Variants in APBA2 observed in about 807,000 individuals in gnomAD.
APBA2 encodes amyloid-beta A4 precursor protein-binding family A member 2.
In APBA2, 30 loss-of-function variants were observed where a neutral mutation model predicts 75.0. That is an observed-to-expected ratio of 0.40 (90% CI 0.30 to 0.54). The LOEUF (loss-of-function observed/expected upper bound fraction) is 0.54, where lower values mean the gene tolerates loss of function less well. Ranked by LOEUF, APBA2 falls within the 20% of genes least tolerant of loss-of-function variation. The pLI is 0.49. For synonymous variants in APBA2, 444 were observed against 409.6 expected, an observed-to-expected ratio of 1.08 and a Z score of -1.01; for missense variants, 801 against 1,016.1, an observed-to-expected ratio of 0.79 and a Z score of 2.88.
At chr15:28,986,431 C>T (rs758562912) in intron 2 of APBA2, among the ~76,000 whole-genome samples, 4 of 152,162 alleles carry the variant, frequency 2.6e-5, no homozygotes, top group Non-Finnish European at 4.4e-5. Flanking sequence ...TAAGAAGGAG[C>T]GCCACTTCTC....
intron 3 of APBA2, among the ~76,000 whole-genome samples, chr15:29,030,729 ATGTGTGTGTGTG>A (rs60048817): frequency 1.8e-5 from 2 of 113,244 alleles, no homozygotes; most frequent in Admixed American, 1.0e-4. Context: ...CCATGTGAGT[ATGTGTGTGTGTG>A]TGTGTGTGTG....
chr15:29,009,160 G>A (rs181227103), intron 3 of APBA2, among the ~76,000 whole-genome samples: 21 of 152,302 alleles, frequency 1.4e-4, no homozygotes, highest in Admixed American at 1.1e-3. Context: ...GGCAGAGCTT[G>A]GGGTTCAAAG....
chr15:28,904,361 C>A (rs1017900381), intron 1 of APBA2, among the ~76,000 whole-genome samples: 2 of 152,156 alleles, frequency 1.3e-5, no homozygotes, highest in African/African-American at 4.8e-5. Flanking sequence ...GGAGCTGGAT[C>A]CCAGGGTTGG....
intron 12 of APBA2, among the ~76,000 whole-genome samples, chr15:29,107,988 T>C (rs2279485): frequency 0.026 from 3,993 of 152,222 alleles, 127 homozygotes; most frequent in East Asian, 0.12. Context: ...GAACCTGGGC[T>C]CGCTCCTGCA....
intron 2 of APBA2, among the ~76,000 whole-genome samples, chr15:28,987,787 C>T: frequency 7.5e-6 from 1 of 134,128 alleles, no homozygotes; most frequent in Non-Finnish European, 1.6e-5. Flanking sequence ...GGAGTCTCAC[C>T]ACTCTGTCAC....
chr15:28,933,899 G>A (rs2034702193), intron 2 of APBA2, among the ~76,000 whole-genome samples: 1 of 152,172 alleles, frequency 6.6e-6, no homozygotes, highest in South Asian at 2.1e-4. Flanking sequence ...GGAGCAGAGG[G>A]CCTGGGGAAG....
intron 6 of APBA2, among the ~76,000 whole-genome samples, chr15:29,078,355 G>C (rs953308473): frequency 6.6e-6 from 1 of 152,104 alleles, no homozygotes; most frequent in Non-Finnish European, 1.5e-5. Context: ...GCTCATGCCT[G>C]TAATCCCAGC....
chr15:28,988,777 A>C (rs904206251), intron 2 of APBA2, among the ~76,000 whole-genome samples: 1 of 152,210 alleles, frequency 6.6e-6, no homozygotes, highest in Non-Finnish European at 1.5e-5. Flanking sequence ...CTCTCTGTGA[A>C]CGTGAGCTGG....
intron 2 of APBA2, among the ~76,000 whole-genome samples, chr15:28,971,038 T>A (rs1392440089): frequency 1.3e-5 from 2 of 152,196 alleles, no homozygotes; most frequent in Non-Finnish European, 2.9e-5. Context: ...ACCAGGGCAG[T>A]AATCCGCACG....
intron 3 of APBA2, among the ~76,000 whole-genome samples, chr15:29,045,404 T>TA (rs2041273132): frequency 6.6e-6 from 1 of 151,946 alleles, no homozygotes; most frequent in Non-Finnish European, 1.5e-5. Flanking sequence ...GTCTCTTTCA[T>TA]AAGGGCACAG....
At chr15:28,908,312 CT>C (rs2033239571) in intron 1 of APBA2, among the ~76,000 whole-genome samples, 1 of 142,526 alleles carries the variant, frequency 7.0e-6, no homozygotes, top group Non-Finnish European at 1.5e-5. Context: ...GTTTTGTTTT[CT>C]TGTTTTTTTT....
chr15:29,054,829 CGAGCAGG>C lies in APBA2; in HGVS notation c.946_951+1del. ...CAGAAGAGAGGCTGAAGTGGCCCCA[CGAGCAGG>C]TAGGACCCTGGCTGTCCTGGGGAAG... On this transcript the variant is annotated splice_donor_variant and coding_sequence_variant, in exon 4 of 15. Coordinates refer to ENST00000683413, the MANE Select transcript of APBA2 (RefSeq NM_001353788.2). LOFTEE classifies it high-confidence loss of function. The surrounding 1 kb of genome is among the most constrained non-coding windows in gnomAD (Gnocchi z 6.1). 6.3e-7 allele frequency: 1 copy of C among 1,598,220 alleles called. No homozygotes were observed.
In APBA2 at chr15:29,096,243, C is replaced by T. The variant is rs2043844259; in HGVS notation, c.1251+1930C>T. 2.6e-5 allele frequency among the ~76,000 whole-genome samples: 4 copies of T among 152,284 alleles called. No individual in the cohort carries two copies. The South Asian group carries it at 6.2e-4, about 24-fold the overall frequency. On this transcript the variant is annotated intron_variant, in intron 8 of 14. Transcript: ENST00000683413. ...CCTGTTCTCTGGTGTCTGTAGGATC[C>T]GTACTGTCGACACCCTCCCTTCTTC...
intron 2 of APBA2, among the ~76,000 whole-genome samples, chr15:28,978,371 G>T (rs1250974484): frequency 6.6e-6 from 1 of 152,192 alleles, no homozygotes; most frequent in Non-Finnish European, 1.5e-5. Flanking sequence ...GTCATCTTTG[G>T]TCTGGGCTCT....
At chr15:28,959,245 C>T (rs548675647) in intron 2 of APBA2, among the ~76,000 whole-genome samples, 6 of 152,256 alleles carry the variant, frequency 3.9e-5, no homozygotes, top group African/African-American at 1.4e-4. Context: ...CCTCGGCCTC[C>T]CAAAGTGCTG....
intron 6 of APBA2, among the ~76,000 whole-genome samples, chr15:29,084,690 G>T (rs2043213511): frequency 6.6e-6 from 1 of 152,186 alleles, no homozygotes; most frequent in Non-Finnish European, 1.5e-5. Context: ...CCCGTCTATT[G>T]AGATTGGTCA....
intron 2 of APBA2, among the ~76,000 whole-genome samples, chr15:28,966,825 C>T (rs73368745): frequency 0.025 from 3,733 of 152,014 alleles, 156 homozygotes; most frequent in East Asian, 0.16. Flanking sequence ...TTTGAATGTA[C>T]GGCTTTGGAT....
chr15:29,098,783 C>G lies in APBA2; in HGVS notation c.1338+207C>G, dbSNP rs116286346. On this transcript the variant is annotated intron_variant, in intron 9 of 14. Coordinates refer to ENST00000683413, the MANE Select transcript of APBA2 (RefSeq NM_001353788.2). Reference sequence around the variant, plus strand: ...TGGCGTCACCCCAGGGCTCTGCGGGCGGGAGGTAGGTGGGAAGACCTGCTG... The same window carrying G: ...TGGCGTCACCCCAGGGCTCTGCGGGGGGGAGGTAGGTGGGAAGACCTGCTG... Among the ~76,000 whole-genome samples the G allele has an allele frequency of 4.3e-3, 647 of 152,202 alleles. 6 individuals are homozygous for G. Among genetic ancestry groups the G allele is most frequent in the African/African-American group, 0.014 (602 of 41,538 alleles).
At chr15:29,063,764 G>A (rs1253656934) in intron 4 of APBA2, among the ~76,000 whole-genome samples, 3 of 151,948 alleles carry the variant, frequency 2.0e-5, no homozygotes, top group African/African-American at 7.3e-5. Context: ...TCGGGTCTGG[G>A]GGAGGTGGGT....
Sources: allele counts gnomAD v4.1 joint callset (sites outside exome capture counted in the v4.1 genomes callset), GRCh38; gene constraint gnomAD v4.1.1; non-coding constraint Gnocchi (gnomAD v3.1); transcripts MANE v1.5; gene names NCBI Gene and HGNC (gene_info 2026-07-23, HGNC 2026-07-21).